PPIH: variants seen among roughly 807,000 people sequenced by gnomAD.
PPIH encodes the protein peptidylprolyl isomerase H.
PPIH carries 16 observed loss-of-function variants against 27.6 expected under a neutral mutation model. The observed-to-expected ratio is 0.58, with a 90% confidence interval of 0.39 to 0.88. The LOEUF (loss-of-function observed/expected upper bound fraction) is 0.88. Ranked by LOEUF, PPIH falls within the 40% of genes least tolerant of loss-of-function variation. The pLI is 0.00. For synonymous variants in PPIH, 63 were observed against 76.1 expected, an observed-to-expected ratio of 0.83 and a Z score of 0.90; for missense variants, 155 against 224.1, an observed-to-expected ratio of 0.69 and a Z score of 1.97.
chr1:42,660,952 T>C (rs1358451658), intron 5 of PPIH, 48 bp downstream of exon 5: 1 of 1,544,776 alleles, frequency 6.5e-7, no homozygotes, highest in Non-Finnish European at 8.9e-7. Flanking sequence ...TTAGTTTTTG[T>C]TGTTATTGTT....
chr1:42,666,137 C>A, intron 7 of PPIH, 70 bp downstream of exon 7: 1 of 1,434,570 alleles, frequency 7.0e-7, no homozygotes, highest in South Asian at 1.1e-5. Flanking sequence ...GGAGTTAGTT[C>A]TCAAACTCTT....
At chr1:42,668,198 C>T (rs1248084463) in intron 9 of PPIH, among the ~76,000 whole-genome samples, 2 of 151,838 alleles carry the variant, frequency 1.3e-5, no homozygotes, top group East Asian at 3.8e-4. Context: ...TATTTTCAAA[C>T]CTGCAAAAAA....
intron 8 of PPIH, among the ~76,000 whole-genome samples, chr1:42,666,959 C>T (rs909122307): frequency 6.6e-6 from 1 of 152,146 alleles, no homozygotes; most frequent in East Asian, 1.9e-4. Flanking sequence ...TCTTTCCTGC[C>T]CCTGAGCCTT....
chr1:42,659,536 C>T lies in PPIH; in HGVS notation c.170C>T (p.Pro57Leu). Residue 57 changes from proline to leucine, a missense_variant, in exon 4 of 10, where the codon CCA becomes CTA. Transcript: ENST00000304979. ...CTGEFRKDGV[P>L]IGYKGSTFHR... ...TTCGGTTATAGGAAAGATGGGGTTC[C>T]AATAGGATACAAAGGAAGCACCTTC... The T allele has an allele frequency of 6.2e-7, 1 of 1,614,072 alleles. No individual in the cohort carries two copies. The highest frequency in any genetic ancestry group is 1.1e-5 in the South Asian group (1 of 91,074).
chr1:42,672,008 C>T (rs1649664760), intron 9 of PPIH, among the ~76,000 whole-genome samples: 1 of 151,806 alleles, frequency 6.6e-6, no homozygotes, highest in African/African-American at 2.4e-5. Flanking sequence ...CTCAGCCTCC[C>T]GAGTAGCTGG....
chr1:42,666,667 G>T, intron 8 of PPIH, 80 bp downstream of exon 8: 4 of 1,408,696 alleles, frequency 2.8e-6, no homozygotes, highest in Non-Finnish European at 4.0e-6. Context: ...GCTAGAGAAG[G>T]GGGAATGAGC....
chr1:42,662,256 T>A (rs1004515883), intron 5 of PPIH, among the ~76,000 whole-genome samples: 9 of 152,234 alleles, frequency 5.9e-5, no homozygotes, highest in Admixed American at 5.9e-4. Context: ...AAGGCCGAGT[T>A]AAAAGCAATT....
chr1:42,658,754 AG>A, intron 1 of PPIH, 89 bp from the exon 2 acceptor site: 1 of 1,435,366 alleles, frequency 7.0e-7, no homozygotes, highest in Non-Finnish European at 9.8e-7. Flanking sequence ...ACCGAGCGGC[AG>A]GGTGGTGGGT....
intron 9 of PPIH, among the ~76,000 whole-genome samples, 153 bp downstream of exon 9, chr1:42,667,593 T>C (rs1315815006): frequency 6.6e-6 from 1 of 152,168 alleles, no homozygotes; most frequent in African/African-American, 2.4e-5. Flanking sequence ...CTGAGCACAT[T>C]TCCTCATCTG....
intron 9 of PPIH, among the ~76,000 whole-genome samples, chr1:42,670,367 G>C (rs1343988160): frequency 2.0e-5 from 3 of 152,090 alleles, no homozygotes; most frequent in African/African-American, 7.2e-5. Flanking sequence ...ACTGACCACT[G>C]ATCACTACCA....
At chr1:42,666,717 G>T (rs1649361664) in intron 8 of PPIH, 130 bp downstream of exon 8, 5 of 919,322 alleles carry the variant, frequency 5.4e-6, no homozygotes, top group Admixed American at 4.2e-5. Flanking sequence ...CAGGAAAAGG[G>T]AAGAGAACCA....
chr1:42,677,889 C>T (rs570861259), downstream of PPIH, among the ~76,000 whole-genome samples: 1 of 152,312 alleles, frequency 6.6e-6, no homozygotes, highest in South Asian at 2.1e-4. Flanking sequence ...TGTTTGCTCT[C>T]ATTCTTATTT....
chr1:42,672,863 C>T lies in PPIH; in HGVS notation c.*22-3721C>T, dbSNP rs1466692789. On this transcript the variant is annotated intron_variant, in intron 9 of 9. Coordinates refer to ENST00000304979, the MANE Select transcript of PPIH (RefSeq NM_006347.4). Reference sequence around the variant, plus strand: ...AGGGTTTCACCAAGTTAGCCAGGCTCGTCTCAAACTCCTGATCTCATGTGA... The same window carrying T: ...AGGGTTTCACCAAGTTAGCCAGGCTTGTCTCAAACTCCTGATCTCATGTGA... Among the ~76,000 whole-genome samples the T allele has an allele frequency of 2.6e-5, 4 of 152,168 alleles. No individual in the cohort carries two copies. The South Asian group carries it at 6.2e-4, about 24-fold the overall frequency.
intron 2 of PPIH, 71 bp downstream of exon 2, chr1:42,658,979 G>C (rs951165166): frequency 6.6e-7 from 1 of 1,526,430 alleles, no homozygotes; most frequent in Admixed American, 1.7e-5. Flanking sequence ...GCCTGAAATA[G>C]CCTGTCTACC....
chr1:42,680,975 G>C (rs1650003728), downstream of PPIH, among the ~76,000 whole-genome samples: 1 of 152,154 alleles, frequency 6.6e-6, no homozygotes, highest in Non-Finnish European at 1.5e-5. Context: ...TTGACATTTA[G>C]AGGGTTTAGG....
intron 9 of PPIH, among the ~76,000 whole-genome samples, chr1:42,675,786 C>G (rs750804376): frequency 1.1e-4 from 17 of 152,172 alleles, no homozygotes; most frequent in Non-Finnish European, 1.3e-4. Flanking sequence ...TTCCCTTTCT[C>G]TTTACCTCTG....
chr1:42,667,827 G>A (rs778582376), intron 9 of PPIH, among the ~76,000 whole-genome samples: 1 of 152,316 alleles, frequency 6.6e-6, no homozygotes, highest in East Asian at 1.9e-4. Flanking sequence ...CTGGGACCAG[G>A]CCAGGCAGCC....
Position 42,659,010 on chromosome 1 carries a change from T to C in PPIH, c.131+102T>C, listed in dbSNP as rs566304011. The C allele has an allele frequency of 1.9e-5, 26 of 1,387,088 alleles. No homozygotes were observed. In the East Asian group the frequency reaches 5.8e-4, roughly 31 times the overall value. The allele number at this position is 1,387,088 out of a possible 1,614,324, so 85.9% of individuals were successfully genotyped here. A position where few individuals can be genotyped will look rare whatever the true frequency, so the allele number is the denominator to read the frequency against. On this transcript the variant is annotated intron_variant, in intron 2 of 9. Coordinates refer to ENST00000304979, the MANE Select transcript of PPIH (RefSeq NM_006347.4). ...CTACCTCTGTCCGTCCGCTCACTGC[T>C]CTTGAGACCTGATTCCTCCATGCAT...
intron 8 of PPIH, among the ~76,000 whole-genome samples, chr1:42,667,047 C>T (rs1360265135): frequency 2.0e-5 from 3 of 152,182 alleles, no homozygotes; most frequent in African/African-American, 7.2e-5. Context: ...CTTCTAGGCA[C>T]AGTTCAAATA....
Sources: gnomAD v4.1 joint callset for allele counts (sites outside exome capture counted in the v4.1 genomes callset) on GRCh38, gnomAD v4.1.1 for gene constraint, MANE v1.5 for transcripts, NCBI Gene and HGNC (gene_info 2026-07-23, HGNC 2026-07-21) for gene names.